Variants in GTF3C1 observed in about 807,000 individuals in gnomAD.
GTF3C1 encodes the protein general transcription factor 3C polypeptide 1.
In GTF3C1, 57 loss-of-function variants were observed where a neutral mutation model predicts 226.7. The ratio of observed to expected loss-of-function variants is 0.25; its 90% CI spans 0.20 to 0.31. The LOEUF (loss-of-function observed/expected upper bound fraction) is 0.31, where lower values mean the gene tolerates loss of function less well. Among genes scored for constraint, GTF3C1 ranks in the 10% least tolerant of loss-of-function variants. The pLI, the probability that GTF3C1 is intolerant of heterozygous loss-of-function variation, is 1.00. For missense variants in GTF3C1, 2,217 were observed against 2,776.1 expected, an observed-to-expected ratio of 0.80 and a Z score of 4.53; for synonymous variants, 1,090 against 1,084.8, an observed-to-expected ratio of 1.00 and a Z score of -0.09.
At chr16:27,489,812 GC>G in intron 19 of GTF3C1, 69 bp from the exon 20 acceptor site, 1 of 1,509,498 alleles carries the variant, frequency 6.6e-7, no homozygotes, top group African/African-American at 1.4e-5. Flanking sequence ...ACTACCTCTG[GC>G]TGGGTGGGGA....
intron 6 of GTF3C1, among the ~76,000 whole-genome samples, chr16:27,515,637 A>G (rs1470041921): frequency 6.6e-6 from 1 of 152,222 alleles, no homozygotes; most frequent in Non-Finnish European, 1.5e-5. Context: ...TGGGCTCCAG[A>G]GCCAGGCAGA....
intron 29 of GTF3C1, 149 bp from the exon 30 acceptor site, chr16:27,472,069 AGT>A (rs781678980): frequency 1.2e-5 from 8 of 652,642 alleles, no homozygotes; most frequent in Admixed American, 5.0e-5. Flanking sequence ...TGTGTCAGTG[AGT>A]GTGTGTGTGA....
At chr16:27,466,047 G>A (rs986976248) in intron 32 of GTF3C1, 1 of 162,798 alleles carries the variant, frequency 6.1e-6, no homozygotes, top group African/African-American at 2.4e-5. Flanking sequence ...AGCCATAATT[G>A]ATAGGTTATC....
intron 5 of GTF3C1, among the ~76,000 whole-genome samples, chr16:27,532,650 G>A (rs1053020875): frequency 6.6e-6 from 1 of 152,054 alleles, no homozygotes; most frequent in African/African-American, 2.4e-5. Context: ...CTCCCCCTCA[G>A]GACAGCCGCT....
rs755478539 is a variant in GTF3C1 at position 27,481,098 on chromosome 16, G to A, written c.4177C>T (p.Leu1393Phe). 1 of 1,614,120 alleles carries A rather than the reference G, an allele frequency of 6.2e-7. No individual in the cohort carries two copies. Among genetic ancestry groups the A allele is most frequent in the South Asian group, 1.1e-5 (1 of 91,082 alleles). The change falls in exon 27 of 37, where the codon CTC becomes TTC. Residue 1393 changes from leucine to phenylalanine, a missense_variant. Leu to Phe is a conservative substitution (Grantham distance 22, BLOSUM62 0). Coordinates refer to ENST00000356183, the MANE Select transcript of GTF3C1 (RefSeq NM_001520.4). Reference sequence around the variant, plus strand: ...GCTTACCTGGCGAACAGCTCCTGGAGTGTGTCTGGGATTTCAAGGTTAGAA... The same window carrying A: ...GCTTACCTGGCGAACAGCTCCTGGAATGTGTCTGGGATTTCAAGGTTAGAA... Reference protein sequence around the residue: ...RNSNLEIPDTLQELFARYRVL... With the variant: ...RNSNLEIPDTFQELFARYRVL...
chr16:27,492,722 C>CA lies in GTF3C1; in HGVS notation c.2877-10dup. 6.7e-7 allele frequency: 1 copy of CA among 1,491,408 alleles called. No individual in the cohort carries two copies. Among genetic ancestry groups the CA allele is most frequent in the Non-Finnish European group, 9.4e-7 (1 of 1,067,864 alleles). 92.4% of individuals were successfully genotyped at this position (1,491,408 alleles called of 1,614,324 possible). The stretch of plus-strand genomic sequence containing the variant: ...CCGAAAAAATGTAACGCCTAGAAAA[C>CA]AGAGGGGGCGGGAGGTTCTCATCAC... On this transcript the variant is annotated splice_polypyrimidine_tract_variant and intron_variant, in intron 17 of 36. Transcript: ENST00000356183. The surrounding 1 kb of genome is among the most constrained non-coding windows in gnomAD (Gnocchi z 5.0).
chr16:27,539,575 C>T (rs893450507), intron 2 of GTF3C1, among the ~76,000 whole-genome samples: 5 of 152,170 alleles, frequency 3.3e-5, no homozygotes, highest in Admixed American at 6.5e-5. Flanking sequence ...GATGTGCTGC[C>T]GGGGAACCCA....
intron 6 of GTF3C1, among the ~76,000 whole-genome samples, chr16:27,518,674 T>C (rs2088699591): frequency 6.6e-6 from 1 of 152,144 alleles, no homozygotes; most frequent in Admixed American, 6.5e-5. Flanking sequence ...CATGTACAGA[T>C]GAAAGAGACA....
In GTF3C1 at chr16:27,533,338, T is replaced by C. The variant is rs2088950500; in HGVS notation, c.802A>G (p.Thr268Ala). ...LMEKLSVMLS[T>A]RTNHIETLGK... Reference sequence around the variant, plus strand: ...AGCGTCTCTATGTGGTTAGTCCGTGTGCTCAGCATGACCGAAAGCTTCTCC... The same window carrying C: ...AGCGTCTCTATGTGGTTAGTCCGTGCGCTCAGCATGACCGAAAGCTTCTCC... The change falls in exon 5 of 37, where the codon ACA (threonine) becomes GCA (alanine). Residue 268 changes from threonine (T) to alanine (A), a missense_variant. Thr to Ala is a moderately conservative substitution (Grantham distance 58). Coordinates refer to ENST00000356183, the MANE Select transcript of GTF3C1 (RefSeq NM_001520.4). 3 of 1,609,446 alleles carry C rather than the reference T, an allele frequency of 1.9e-6. No individual in the cohort carries two copies. In the East Asian group the frequency reaches 6.7e-5, roughly 36 times the overall value.
intron 1 of GTF3C1, 125 bp from the exon 2 acceptor site, chr16:27,545,648 T>C (rs576811593): frequency 3.1e-6 from 2 of 649,582 alleles, no homozygotes; most frequent in East Asian, 2.7e-5. Flanking sequence ...TTTTCCTGCC[T>C]TATAAATGCA....
chr16:27,548,686 T>C (rs1328024421), intron 1 of GTF3C1, among the ~76,000 whole-genome samples: 1 of 152,178 alleles, frequency 6.6e-6, no homozygotes, highest in Non-Finnish European at 1.5e-5. Context: ...CCCCAGAACC[T>C]TAGGTTACAT....
intron 6 of GTF3C1, among the ~76,000 whole-genome samples, chr16:27,527,189 T>C (rs113437638): frequency 5.7e-4 from 87 of 152,196 alleles, no homozygotes; most frequent in Middle Eastern, 3.4e-3. Flanking sequence ...GCCTGGGAAA[T>C]AGAGCGAGAC....
At chr16:27,495,933 T>A (rs1567397703) in intron 14 of GTF3C1, among the ~76,000 whole-genome samples, 1 of 152,096 alleles carries the variant, frequency 6.6e-6, no homozygotes, top group Non-Finnish European at 1.5e-5. Flanking sequence ...AGGAGGGCAA[T>A]CGAGCAGGGA....
At chr16:27,534,836 T>C (rs1226376560) in intron 4 of GTF3C1, among the ~76,000 whole-genome samples, 1 of 152,134 alleles carries the variant, frequency 6.6e-6, no homozygotes, top group Non-Finnish European at 1.5e-5. Flanking sequence ...CCGGGTCCAC[T>C]TATACACAGA....
chr16:27,524,516 C>T (rs181364210), intron 6 of GTF3C1, among the ~76,000 whole-genome samples: 33 of 152,312 alleles, frequency 2.2e-4, no homozygotes, highest in African/African-American at 7.9e-4. Flanking sequence ...GGTCAAATCA[C>T]TTGCTGAAGG....
rs201109920 is a variant in GTF3C1, at chr16:27,493,250, G to A, written c.2825C>T (p.Thr942Met). ...EFLNDPLKKH[T>M]LIRFLPRPIR... is the part of the protein sequence containing the mutation. ...GGGCCTGGGGAGAAAGCGGATCAGC[G>A]TGTGCTTCTTCAGCGGGTCGTTCAG... The change falls in exon 17 of 37, where the codon ACG (threonine) becomes ATG (methionine). Residue 942 changes from threonine to methionine, a missense_variant. Around this residue, in one of 12 missense-constraint regions of GTF3C1, gnomAD observed 353 missense variants for 411.7 expected, o/e 0.86. Coordinates refer to ENST00000356183, the MANE Select transcript of GTF3C1 (RefSeq NM_001520.4). 952 of 1,611,992 alleles carry A rather than the reference G, an allele frequency of 5.9e-4. 5 individuals are homozygous for A. The highest frequency in any genetic ancestry group is 1.3e-4 in the Non-Finnish European group (152 of 1,178,028).
At chr16:27,532,484 T>C (rs1447932410) in intron 5 of GTF3C1, among the ~76,000 whole-genome samples, 1 of 152,220 alleles carries the variant, frequency 6.6e-6, no homozygotes, top group Admixed American at 6.5e-5. Flanking sequence ...ATCTCTAACG[T>C]TGGCTCTTTC....
rs752368085 is a variant in GTF3C1 at position 27,469,243 on chromosome 16, G to A, written c.5074+48C>T. On this transcript the variant is annotated intron_variant, in intron 32 of 36. Transcript: ENST00000356183. The surrounding 1 kb of genome is among the most constrained non-coding windows in gnomAD (Gnocchi z 4.5). ...CAGGCCAGGCCTCAGGGTCTTCCTG[G>A]ATGATGGCGAGGCCAGGCCCTCCCA... The A allele has an allele frequency of 2.0e-6, 3 of 1,513,578 alleles. No individual in the cohort carries two copies. The highest frequency in any genetic ancestry group is 2.7e-6 in the Non-Finnish European group (3 of 1,124,022). 93.8% of individuals were successfully genotyped at this position (1,513,578 alleles called of 1,614,324 possible). A position where few individuals can be genotyped will look rare whatever the true frequency, so the allele number is the denominator to read the frequency against.
chr16:27,545,753 C>T (rs2089153356), intron 1 of GTF3C1, among the ~76,000 whole-genome samples: 1 of 152,190 alleles, frequency 6.6e-6, no homozygotes. Context: ...GGTGCTGGGA[C>T]CTAAACCTCC....
Sources: gnomAD v4.1 joint callset for allele counts (sites outside exome capture counted in the v4.1 genomes callset) on GRCh38, gnomAD v4.1.1 for gene constraint, gnomAD v4.1.1 regional missense constraint, Gnocchi (gnomAD v3.1) non-coding constraint, MANE v1.5 for transcripts, NCBI Gene and HGNC (gene_info 2026-07-23, HGNC 2026-07-21) for gene names.